AJAP1: variants seen among roughly 807,000 people sequenced by gnomAD.
AJAP1 encodes the protein adherens junction-associated protein 1.
In AJAP1, 5 loss-of-function variants were observed where a neutral mutation model predicts 35.0. The ratio of observed to expected loss-of-function variants is 0.14; its 90% CI spans 0.07 to 0.30. AJAP1 has a LOEUF of 0.30. Ranked by LOEUF, AJAP1 falls within the 10% of genes least tolerant of loss-of-function variation. The pLI is 1.00. For synonymous variants in AJAP1, 284 were observed against 249.3 expected, an observed-to-expected ratio of 1.14 and a Z score of -1.31; for missense variants, 586 against 571.0, an observed-to-expected ratio of 1.03 and a Z score of -0.27.
chr1:4,746,385 C>T (rs1641188483), intron 2 of AJAP1, among the ~76,000 whole-genome samples: 1 of 152,286 alleles, frequency 6.6e-6, no homozygotes, highest in South Asian at 2.1e-4. Flanking sequence ...GTCCCATGCT[C>T]AGGTACCTGA....
intron 2 of AJAP1, among the ~76,000 whole-genome samples, chr1:4,736,970 G>A (rs1036130001): frequency 1.3e-5 from 2 of 152,180 alleles, no homozygotes; most frequent in Admixed American, 1.3e-4. Context: ...TTCATGCCCA[G>A]GTCAAGCAAG....
In AJAP1 at chr1:4,724,400, G is replaced by T. The variant is rs1640601657; in HGVS notation, c.829+11701G>T. On this transcript the variant is annotated intron_variant, in intron 2 of 5. Coordinates refer to ENST00000378191, the MANE Select transcript of AJAP1 (RefSeq NM_018836.4). ...ACATCCTCATCTGCTCACAGAAGGG[G>T]TCACCACCCTGCATTCCCACCCCTC... 2.6e-5 allele frequency among the ~76,000 whole-genome samples: 4 copies of T among 152,110 alleles called. No homozygotes were observed. In the South Asian group the frequency reaches 8.3e-4, roughly 32 times the overall value.
chr1:4,722,505 C>T (rs914530786), intron 2 of AJAP1, among the ~76,000 whole-genome samples: 3 of 152,248 alleles, frequency 2.0e-5, no homozygotes, highest in Non-Finnish European at 4.4e-5. Flanking sequence ...CAGCCTTCAT[C>T]TGTGTGTGAG....
chr1:4,677,126 C>A (rs1434402929), intron 1 of AJAP1, among the ~76,000 whole-genome samples: 1 of 152,212 alleles, frequency 6.6e-6, no homozygotes, highest in Non-Finnish European at 1.5e-5. Context: ...CACCGCACTT[C>A]AGCCTGGGCG....
chr1:4,698,019 C>T (rs1027489510), intron 1 of AJAP1, among the ~76,000 whole-genome samples: 10 of 152,232 alleles, frequency 6.6e-5, no homozygotes, highest in African/African-American at 1.7e-4. Context: ...GTGCAGTCAT[C>T]GCGGCATCTC....
At chr1:4,719,102 C>G (rs1384113201) in intron 2 of AJAP1, among the ~76,000 whole-genome samples, 2 of 152,152 alleles carry the variant, frequency 1.3e-5, no homozygotes, top group Admixed American at 6.5e-5. Flanking sequence ...GCCATCCGCT[C>G]ACAGGGGAAT....
At position 4,655,508 on chromosome 1, in the gene AJAP1, G is replaced by A; in HGVS notation, c.29+54G>A. Reference sequence around the variant, plus strand: ...TGTGGGCGCGTGGGTGCCAGGCTGGGCGGAAGCGGCGCTTTCCTCTATGTT... The same window carrying A: ...TGTGGGCGCGTGGGTGCCAGGCTGGACGGAAGCGGCGCTTTCCTCTATGTT... On this transcript the variant is annotated intron_variant, in intron 1 of 5. Transcript: ENST00000378191. The surrounding 1 kb of genome is among the most constrained non-coding windows in gnomAD (Gnocchi z 6.9). The A allele has an allele frequency of 6.5e-7, 1 of 1,544,468 alleles. No homozygotes were observed. Among genetic ancestry groups the A allele is most frequent in the Non-Finnish European group, 8.8e-7 (1 of 1,141,698 alleles).
chr1:4,780,487 G>A (rs1642036773), intron 5 of AJAP1, among the ~76,000 whole-genome samples: 1 of 152,022 alleles, frequency 6.6e-6, no homozygotes, highest in African/African-American at 2.4e-5. Context: ...CATTTTTTAA[G>A]CCCCTCTTCC....
intron 1 of AJAP1, among the ~76,000 whole-genome samples, chr1:4,660,547 G>C (rs932459927): frequency 1.3e-5 from 2 of 152,012 alleles, no homozygotes; most frequent in African/African-American, 2.4e-5. Context: ...AAAATTAAAG[G>C]TTTAATTAAA....
chr1:4,724,221 G>A (rs1377397510), intron 2 of AJAP1, among the ~76,000 whole-genome samples: 1 of 152,148 alleles, frequency 6.6e-6, no homozygotes, highest in Admixed American at 6.5e-5. Flanking sequence ...GGGCGGTGGT[G>A]GTGATGGCGG....
intron 5 of AJAP1, among the ~76,000 whole-genome samples, chr1:4,778,613 C>CTCTCTT (rs1641986152): frequency 7.0e-6 from 1 of 143,804 alleles, no homozygotes; most frequent in Non-Finnish European, 1.5e-5. Flanking sequence ...CTCTCTCTCT[C>CTCTCTT]TTCTCTCTGT....
intron 2 of AJAP1, among the ~76,000 whole-genome samples, chr1:4,749,372 A>G (rs1406065166): frequency 6.6e-6 from 1 of 152,218 alleles, no homozygotes; most frequent in Non-Finnish European, 1.5e-5. Flanking sequence ...AGCAAAATCA[A>G]GACAGCGTTC....
intron 2 of AJAP1, among the ~76,000 whole-genome samples, chr1:4,727,801 C>T (rs1049572409): frequency 5.9e-5 from 9 of 152,174 alleles, no homozygotes; most frequent in Admixed American, 1.3e-4. Context: ...TGGGGGCTAG[C>T]GGGTGTCCAG....
chr1:4,775,765 G>A (rs371523633), intron 5 of AJAP1, among the ~76,000 whole-genome samples: 1 of 152,216 alleles, frequency 6.6e-6, no homozygotes, highest in South Asian at 2.1e-4. Context: ...TGCCCTGCAA[G>A]GGCCTTTGCT....
intron 1 of AJAP1, among the ~76,000 whole-genome samples, chr1:4,700,256 A>G (rs61765031): frequency 0.26 from 39,071 of 151,960 alleles, 5,304 homozygotes; most frequent in South Asian, 0.44. Context: ...AAATGGCCAT[A>G]AAGTAGGATC....
chr1:4,698,293 G>A (rs1639912232), intron 1 of AJAP1, among the ~76,000 whole-genome samples: 1 of 152,118 alleles, frequency 6.6e-6, no homozygotes, highest in African/African-American at 2.4e-5. Flanking sequence ...GAGCCTCTAG[G>A]GCTGTGCTTA....
At chr1:4,743,529 T>TAG in intron 2 of AJAP1, among the ~76,000 whole-genome samples, 1 of 152,198 alleles carries the variant, frequency 6.6e-6, no homozygotes, top group Non-Finnish European at 1.5e-5. Context: ...AATGCGTATG[T>TAG]GTCCGCGTTC....
chr1:4,741,212 C>T (rs893688618), intron 2 of AJAP1, among the ~76,000 whole-genome samples: 2 of 152,062 alleles, frequency 1.3e-5, no homozygotes, highest in African/African-American at 4.8e-5. Flanking sequence ...GGAGGTCATC[C>T]GAGTGTCCTG....
chr1:4,667,936 C>A (rs1335900309), intron 1 of AJAP1, among the ~76,000 whole-genome samples: 2 of 152,124 alleles, frequency 1.3e-5, no homozygotes, highest in East Asian at 3.9e-4. Context: ...AGGGTAAGGC[C>A]AGGAGTGTTT....
Sources: allele counts gnomAD v4.1 joint callset (sites outside exome capture counted in the v4.1 genomes callset), GRCh38; gene constraint gnomAD v4.1.1; non-coding constraint Gnocchi (gnomAD v3.1); transcripts MANE v1.5; gene names NCBI Gene and HGNC (gene_info 2026-07-23, HGNC 2026-07-21).